Variants in SNX25 observed in about 807,000 individuals in gnomAD.
SNX25 encodes the protein sorting nexin-25.
In SNX25, 62 loss-of-function variants were observed where a neutral mutation model predicts 113.7. The ratio of observed to expected loss-of-function variants is 0.55; its 90% confidence interval spans 0.44 to 0.67. The LOEUF is 0.67. Ranked by LOEUF, SNX25 falls within the 30% of genes least tolerant of loss-of-function variation. The pLI, the probability that SNX25 is intolerant of heterozygous loss-of-function variation, is 0.00. For missense variants in SNX25, 1,014 were observed against 1,161.0 expected (o/e 0.87, Z 1.84); for synonymous variants, 421 against 436.2 (o/e 0.97, Z 0.43).
chr4:185,369,407 G>T (rs1039963770), intron 11 of SNX25, among the ~76,000 whole-genome samples: 1 of 151,550 alleles, frequency 6.6e-6, no homozygotes, highest in African/African-American at 2.4e-5. Context: ...GTAGAGACAG[G>T]ATTATTTAGT....
At chr4:185,245,469 C>T (rs1160229238) in intron 1 of SNX25, among the ~76,000 whole-genome samples, 3 of 151,994 alleles carry the variant, frequency 2.0e-5, no homozygotes, top group Non-Finnish European at 2.9e-5. Flanking sequence ...TGCCGAGTAG[C>T]TGGGATTACA....
chr4:185,218,724 A>G (rs2126329161), intron 1 of SNX25, among the ~76,000 whole-genome samples: 1 of 152,370 alleles, frequency 6.6e-6, no homozygotes, highest in South Asian at 2.1e-4. Context: ...CTTGTTTATT[A>G]GGCTACTAGG....
At chr4:185,295,778 G>A (rs184244316) in intron 6 of SNX25, 29 of 152,246 alleles carry the variant, frequency 1.9e-4, no homozygotes, top group African/African-American at 7.0e-4. Flanking sequence ...AATTGATGTT[G>A]TGATGCAAGA....
the SNX25 span, chr4:185,377,877 A>G: frequency 1.8e-5 from 9 of 505,862 alleles, no homozygotes; most frequent in Non-Finnish European, 3.1e-5. Flanking sequence ...ATCAAGACCT[A>G]ACTATCTGTG....
chr4:185,346,228 T>C (rs1241105647), intron 12 of SNX25, among the ~76,000 whole-genome samples: 1 of 152,222 alleles, frequency 6.6e-6, no homozygotes, highest in Non-Finnish European at 1.5e-5. Context: ...TGAAAAACTT[T>C]CTGTGAGCCA....
At chr4:185,264,384 T>C in intron 3 of SNX25, 54 bp from the exon 4 acceptor site, 1 of 1,538,344 alleles carries the variant, frequency 6.5e-7, no homozygotes, top group Non-Finnish European at 8.9e-7. Context: ...TAATAGTACA[T>C]AATTGAATTG....
In SNX25 at chr4:185,342,077, G is replaced by A. The variant is rs757924095; in HGVS notation, c.2148G>A (p.Arg716=). ...CTAAGAACTGGACGGTCCCCAGAAGGCTCAGCGAGTTTCAGAATTTACACC... is the reference window on the plus strand; with the variant it reads ...CTAAGAACTGGACGGTCCCCAGAAGACTCAGCGAGTTTCAGAATTTACACC... ...VETKNWTVPR[R]LSEFQNLHRK... Residue 716 remains arginine, a synonymous_variant, in exon 12 of 19, where the codon AGG becomes AGA. Coordinates refer to ENST00000652585, the MANE Select transcript of SNX25 (RefSeq NM_001378034.2). 15 of 1,606,744 alleles carry A rather than the reference G, an allele frequency of 9.3e-6. No individual in the cohort carries two copies. The highest frequency in any genetic ancestry group is 1.7e-4 in the Middle Eastern group (1 of 6,058).
At chr4:185,360,931 A>ATG (rs2095359456) in intron 16 of SNX25, among the ~76,000 whole-genome samples, 1 of 68,828 alleles carries the variant, frequency 1.5e-5, no homozygotes, top group Non-Finnish European at 2.7e-5. Flanking sequence ...AAAAAAAATA[A>ATG]TATATATATA....
At chr4:185,261,142 G>GTGTGTGTGTGTGTGTGTGTGTA (rs1747277123) in intron 3 of SNX25, among the ~76,000 whole-genome samples, 1 of 150,740 alleles carries the variant, frequency 6.6e-6, no homozygotes, top group African/African-American at 2.4e-5. Context: ...GTGTGTGTGT[G>GTGTGTGTGTGTGTGTGTGTGTA]TGTGTGTGTG....
downstream of SNX25, among the ~76,000 whole-genome samples, chr4:185,371,726 G>C (rs1262826259): frequency 6.6e-6 from 1 of 152,148 alleles, no homozygotes; most frequent in Non-Finnish European, 1.5e-5. Flanking sequence ...TAAAGTCTTA[G>C]TTCTAACTAA....
At chr4:185,356,681 G>C (rs2095340715) in intron 15 of SNX25, among the ~76,000 whole-genome samples, 1 of 152,170 alleles carries the variant, frequency 6.6e-6, no homozygotes, top group South Asian at 2.1e-4. Context: ...GGTTGCCCTT[G>C]TACAGAGACT....
chr4:185,321,947 C>T (rs547230048), intron 8 of SNX25, among the ~76,000 whole-genome samples: 7 of 152,194 alleles, frequency 4.6e-5, no homozygotes, highest in South Asian at 2.1e-4. Context: ...CACGCAAAAA[C>T]GCTGCACCAT....
At chr4:185,256,993 A>G (rs757353711) in intron 2 of SNX25, among the ~76,000 whole-genome samples, 10 of 152,070 alleles carry the variant, frequency 6.6e-5, no homozygotes, top group Non-Finnish European at 1.5e-4. Flanking sequence ...CCCAAATTCT[A>G]GGCTAAAAAA....
In SNX25 at chr4:185,258,875, T is replaced by G; in HGVS notation, c.542T>G (p.Ile181Ser). 6.2e-7 allele frequency: 1 copy of G among 1,614,030 alleles called. No individual in the cohort carries two copies. The highest frequency in any genetic ancestry group is 8.5e-7 in the Non-Finnish European group (1 of 1,179,890). ...EVFDYSYRDY[I>S]LSWYGNLSRD... is the part of the protein sequence containing the mutation. ...TTCGACTACAGTTATAGAGATTACA[T>G]TCTGTCCTGGTATGGAAACCTCAGC... The change falls in exon 3 of 19, where the codon ATT (isoleucine) becomes AGT (serine). Residue 181 changes from isoleucine to serine, a missense_variant. Transcript: ENST00000652585.
intron 16 of SNX25, among the ~76,000 whole-genome samples, chr4:185,359,844 C>T (rs1579928304): frequency 6.6e-6 from 1 of 152,112 alleles, no homozygotes; most frequent in African/African-American, 2.4e-5. Flanking sequence ...GTGCATACAT[C>T]GGGCAGTAAT....
At chr4:185,231,345 C>G (rs1474159839) in intron 1 of SNX25, among the ~76,000 whole-genome samples, 1 of 151,312 alleles carries the variant, frequency 6.6e-6, no homozygotes, top group Non-Finnish European at 1.5e-5. Context: ...GTGATCCACC[C>G]GCCTCGGCCT....
At chr4:185,313,559 A>G (rs1454759119) in intron 7 of SNX25, among the ~76,000 whole-genome samples, 1 of 152,232 alleles carries the variant, frequency 6.6e-6, no homozygotes, top group Non-Finnish European at 1.5e-5. Context: ...CCATCAAAGA[A>G]GAAATTATAA....
chr4:185,237,658 A>G (rs1278207842), intron 1 of SNX25, among the ~76,000 whole-genome samples: 1 of 152,148 alleles, frequency 6.6e-6, no homozygotes, highest in Non-Finnish European at 1.5e-5. Context: ...AACATGGCTC[A>G]AAGTTTAGCC....
intron 6 of SNX25, among the ~76,000 whole-genome samples, chr4:185,290,403 T>A (rs1460594515): frequency 6.6e-6 from 1 of 152,206 alleles, no homozygotes; most frequent in Non-Finnish European, 1.5e-5. Flanking sequence ...ACAAACAAAC[T>A]AAGCACTCTT....
Sources: allele counts gnomAD v4.1 joint callset (sites outside exome capture counted in the v4.1 genomes callset), GRCh38; gene constraint gnomAD v4.1.1; transcripts MANE v1.5; gene names NCBI Gene and HGNC (gene_info 2026-07-23, HGNC 2026-07-21).